Variants in PLEKHG2 observed in about 807,000 individuals in gnomAD.
PLEKHG2 encodes the protein pleckstrin homology domain-containing family G member 2.
A neutral mutation model predicts 104.4 loss-of-function variants in PLEKHG2; 71 were observed. That is an observed-to-expected ratio of 0.68 (90% CI 0.56 to 0.83). PLEKHG2 has a LOEUF of 0.83. Among genes scored for constraint, PLEKHG2 ranks in the 40% least tolerant of loss-of-function variants. The pLI is 0.00. For missense variants in PLEKHG2, 1,730 were observed against 1,809.4 expected (o/e 0.96, Z 0.80); for synonymous variants, 728 against 737.0 (o/e 0.99, Z 0.20).
rs1422235530 is a variant in PLEKHG2 at position 39,422,597 on chromosome 19, C to T, written c.1678-135C>T. On this transcript the variant is annotated intron_variant, in intron 17 of 18. Coordinates refer to ENST00000425673, the MANE Select transcript of PLEKHG2 (RefSeq NM_022835.3). ...AGAGACAGGGTTTCACTATGTTGGCCAGGCTGGTCTCGAACTCGTAACCTC... is the reference window on the plus strand; with the variant it reads ...AGAGACAGGGTTTCACTATGTTGGCTAGGCTGGTCTCGAACTCGTAACCTC... The T allele has an allele frequency of 1.4e-5, 16 of 1,141,400 alleles. No homozygotes were observed. In the African/African-American group the frequency reaches 2.5e-4, roughly 18 times the overall value. The allele number at this position is 1,141,400 out of a possible 1,614,324, so 70.7% of individuals were successfully genotyped here. A position where few individuals can be genotyped will look rare whatever the true frequency, so the allele number is the denominator to read the frequency against.
Position 39,416,184 on chromosome 19 carries a change from A to G in PLEKHG2, c.480-164A>G, listed in dbSNP as rs2078599840. On this transcript the variant is annotated intron_variant, in intron 4 of 18. Transcript: ENST00000425673. This position sits in a 1 kb window ranked among gnomAD's most constrained non-coding sequence, Gnocchi z 4.5. ...CTAAGCAGGTTACCATGCCCCGTGT[A>G]GCCCTCAGAGGACCCTTCCTCCGGA... Among the ~76,000 whole-genome samples, 1 of 152,106 alleles carries G rather than the reference A, an allele frequency of 6.6e-6. No homozygotes were observed. Among genetic ancestry groups the G allele is most frequent in the South Asian group, 2.1e-4 (1 of 4,830 alleles).
rs780828725 is a variant in PLEKHG2, at chr19:39,416,886, G to A, written c.630G>A (p.Pro210=). 11 of 1,611,600 alleles carry A rather than the reference G, an allele frequency of 6.8e-6. No individual in the cohort carries two copies. The highest frequency in any genetic ancestry group is 1.1e-5 in the South Asian group (1 of 90,902). ...TGCTCCGGGAGCTGTCGTTGTCTCC[G>A]CCAGCAGCCCTGTGGCTGCAGGAGC... The part of the protein sequence containing the change: ...LALLRELSLS[P]PAALWLQERQ... Residue 210 remains proline, a synonymous_variant, in exon 7 of 19, where the codon CCG becomes CCA. Coordinates refer to ENST00000425673, the MANE Select transcript of PLEKHG2 (RefSeq NM_022835.3). The surrounding 1 kb of genome is among the most constrained non-coding windows in gnomAD (Gnocchi z 4.5).
rs2078600827 is a variant in PLEKHG2, at chr19:39,416,259, G to A, written c.480-89G>A. ...GGCAGTCAGCAAGCCCCCAGCCCCA[G>A]CAGACCATTGGGGCCTCAGCCTCCT... On this transcript the variant is annotated intron_variant, in intron 4 of 18. Transcript: ENST00000425673. This position sits in a 1 kb window ranked among gnomAD's most constrained non-coding sequence, Gnocchi z 4.5. 2 of 1,320,980 alleles carry A rather than the reference G, an allele frequency of 1.5e-6. No homozygotes were observed. Among genetic ancestry groups the A allele is most frequent in the African/African-American group, 1.5e-5 (1 of 68,916 alleles). 81.8% of individuals were successfully genotyped at this position (1,320,980 alleles called of 1,614,324 possible).
chr19:39,418,857 G>T (rs1233181806), intron 10 of PLEKHG2, 31 bp downstream of exon 10: 2 of 1,596,284 alleles, frequency 1.3e-6, no homozygotes, highest in Non-Finnish European at 1.7e-6. Context: ...GGCTGGCAGG[G>T]ATCCCCCAGC....
Position 39,422,952 on chromosome 19 carries a change from C to G in PLEKHG2, c.1898C>G (p.Thr633Ser), listed in dbSNP as rs1483630315. ...GAAATGCCCAGCATTCCCTGCCTTA[C>G]CAAAATTCCTGACGTGCCCAACCTT... ...AAEMPSIPCLTKIPDVPNLPE... is the reference protein window; with the variant it reads ...AAEMPSIPCLSKIPDVPNLPE... The change falls in exon 18 of 19, where the codon ACC (threonine) becomes AGC (serine). Residue 633 changes from threonine (T) to serine (S), a missense_variant. Coordinates refer to ENST00000425673, the MANE Select transcript of PLEKHG2 (RefSeq NM_022835.3). The G allele has an allele frequency of 6.2e-7, 1 of 1,614,076 alleles. No individual in the cohort carries two copies. Among genetic ancestry groups the G allele is most frequent in the Admixed American group, 1.7e-5 (1 of 60,012 alleles).
chr19:39,427,918 C>T lies in PLEKHG2; in HGVS notation c.*2624C>T, dbSNP rs1339391451. 2 of 152,230 alleles carry T rather than the reference C, an allele frequency of 1.3e-5. No individual in the cohort carries two copies. The highest frequency in any genetic ancestry group is 2.9e-5 in the Non-Finnish European group (2 of 68,090). 9.4% of individuals were successfully genotyped at this position (152,230 alleles called of 1,614,324 possible). On this transcript the variant is annotated 3_prime_UTR_variant, in exon 19 of 19. Transcript: ENST00000425673. ...TAAGTCTACCATTAAATTTGCCTGT[C>T]CTGGCCAGGTGCGGTGGCTCACGCC...
At chr19:39,422,329 G>T (rs760073821) in intron 17 of PLEKHG2, 41 bp downstream of exon 17, 2 of 1,588,308 alleles carry the variant, frequency 1.3e-6, no homozygotes, top group South Asian at 2.3e-5. Context: ...GGGCCTCTGG[G>T]TGTGGGCACA....
chr19:39,420,057 A>G, intron 11 of PLEKHG2, among the ~76,000 whole-genome samples: 1 of 151,644 alleles, frequency 6.6e-6, no homozygotes. Context: ...CCGTCTCAAA[A>G]AAATAAAAAT....
At chr19:39,421,509 A>G (rs2078699094) in intron 16 of PLEKHG2, among the ~76,000 whole-genome samples, 1 of 152,016 alleles carries the variant, frequency 6.6e-6, no homozygotes, top group South Asian at 2.1e-4. Flanking sequence ...AACATGGCAA[A>G]ACCCCATCTC....
intron 16 of PLEKHG2, 152 bp downstream of exon 16, chr19:39,421,451 C>A: frequency 1.1e-6 from 1 of 940,092 alleles, no homozygotes; most frequent in Non-Finnish European, 1.7e-6. Flanking sequence ...TTTGGGAGGT[C>A]AAGGCAGGAG....
rs1032815268 is a variant in PLEKHG2, at chr19:39,421,400, T to C, written c.1503+101T>C. On this transcript the variant is annotated intron_variant, in intron 16 of 18. Coordinates refer to ENST00000425673, the MANE Select transcript of PLEKHG2 (RefSeq NM_022835.3). Reference sequence around the variant, plus strand: ...ATCCTGGGTCTGAATGAGAAGGGGATTGGGGCCAGACAGAGTAACTCATGC... The same window carrying C: ...ATCCTGGGTCTGAATGAGAAGGGGACTGGGGCCAGACAGAGTAACTCATGC... 5.4e-6 allele frequency: 7 copies of C among 1,304,284 alleles called. No homozygotes were observed. In the South Asian group the frequency reaches 6.2e-5, roughly 11 times the overall value. The allele number at this position is 1,304,284 out of a possible 1,614,324, so 80.8% of individuals were successfully genotyped here. A position where few individuals can be genotyped will look rare whatever the true frequency, so the allele number is the denominator to read the frequency against.
rs750150661 is a variant in PLEKHG2 at position 39,415,260 on chromosome 19, G to A, written c.378G>A (p.Glu126=). The A allele has an allele frequency of 6.3e-6, 10 of 1,595,190 alleles. No individual in the cohort carries two copies. The South Asian group carries it at 1.0e-4, about 16-fold the overall frequency. ...TCAGGGACCTCCGCAGCATCGTGGAGGTAAGGCGGGCAGACACCAGAGGGC... is the reference window on the plus strand; with the variant it reads ...TCAGGGACCTCCGCAGCATCGTGGAAGTAAGGCGGGCAGACACCAGAGGGC... ...AYVRDLRSIV[E]DYLGPLLDGG... is the part of the protein sequence containing the mutation. The change falls in exon 3 of 19, where the codon GAG becomes GAA. Residue 126 remains glutamate (E), a splice_region_variant and synonymous_variant. Coordinates refer to ENST00000425673, the MANE Select transcript of PLEKHG2 (RefSeq NM_022835.3). The surrounding 1 kb of genome is among the most constrained non-coding windows in gnomAD (Gnocchi z 4.6).
chr19:39,421,141 T>C (rs372116668), intron 15 of PLEKHG2, 28 bp downstream of exon 15: 3 of 1,610,510 alleles, frequency 1.9e-6, no homozygotes, highest in African/African-American at 1.3e-5. Context: ...TTCAGCCTGG[T>C]CCATCCCTGT....
At position 39,415,213 on chromosome 19, in the gene PLEKHG2, G is replaced by A. The variant is rs751959531; in HGVS notation, c.331G>A (p.Val111Met). 8.2e-6 allele frequency: 13 copies of A among 1,584,070 alleles called. No individual in the cohort carries two copies. Among genetic ancestry groups the A allele is most frequent in the South Asian group, 4.6e-5 (4 of 87,598 alleles). Residue 111 changes from valine to methionine, a missense_variant, in exon 3 of 19, where the codon GTG becomes ATG. By Grantham distance (21) the Val-to-Met change is conservative. Coordinates refer to ENST00000425673, the MANE Select transcript of PLEKHG2 (RefSeq NM_022835.3). This position sits in a 1 kb window ranked among gnomAD's most constrained non-coding sequence, Gnocchi z 4.6. ...SRLERVAREI[V>M]ETERAYVRDL... ...GCTGGAGCGTGTGGCCCGGGAGATC[G>A]TGGAGACAGAACGGGCCTATGTCAG...
chr19:39,423,139 C>G lies in PLEKHG2; in HGVS notation c.2085C>G (p.Leu695=). Residue 695 remains leucine, a synonymous_variant, in exon 18 of 19, where the codon CTC becomes CTG. Transcript: ENST00000425673. ...CCACCCTCTCCTGTGACTCCTGGCT[C>G]CAAGGGCCTCTGCAGGAACCAGCTG... The part of the protein sequence containing the change: ...STPTLSCDSW[L]QGPLQEPAEA... The G allele has an allele frequency of 2.5e-6, 4 of 1,613,976 alleles. No homozygotes were observed. In the South Asian group the frequency reaches 4.4e-5, roughly 18 times the overall value.
At position 39,416,324 on chromosome 19, in the gene PLEKHG2, C is replaced by T; in HGVS notation, c.480-24C>T. 6.2e-7 allele frequency: 1 copy of T among 1,611,762 alleles called. No homozygotes were observed. The highest frequency in any genetic ancestry group is 8.5e-7 in the Non-Finnish European group (1 of 1,179,378). On this transcript the variant is annotated intron_variant, in intron 4 of 18. Coordinates refer to ENST00000425673, the MANE Select transcript of PLEKHG2 (RefSeq NM_022835.3). The surrounding 1 kb of genome is among the most constrained non-coding windows in gnomAD (Gnocchi z 4.5). ...GAGGGGTCGTGAAGGCAGGCGGTTC[C>T]TCACCCTCCCCTCTCCCCTGTAGCG... is the stretch of plus-strand genomic sequence containing the variant.
Position 39,424,322 on chromosome 19 carries a change from T to A in PLEKHG2, c.3189T>A (p.Asp1063Glu). The change falls in exon 19 of 19, where the codon GAT becomes GAA. Residue 1063 changes from aspartate (D) to glutamate (E), a missense_variant. Transcript: ENST00000425673. ...TGACAAAGCAAGGAGGTTCCAGGGA[T>A]GTTCAGGGCCCAGACCCTGTCTGCA... ...IPLTKQGGSR[D>E]VQGPDPVCSQ... 6.2e-7 allele frequency: 1 copy of A among 1,614,066 alleles called. No homozygotes were observed. The highest frequency in any genetic ancestry group is 8.5e-7 in the Non-Finnish European group (1 of 1,179,994).
chr19:39,422,782 C>T lies in PLEKHG2; in HGVS notation c.1728C>T (p.Gly576=), dbSNP rs367549602. 4.3e-5 allele frequency: 65 copies of T among 1,526,066 alleles called. 1 individual carries two copies. Among genetic ancestry groups the T allele is most frequent in the East Asian group, 2.5e-4 (11 of 44,256 alleles). 94.5% of individuals were successfully genotyped at this position (1,526,066 alleles called of 1,614,324 possible). ...PKFPGDSQVP[G]DSETLTFQAL... is the part of the protein sequence containing the mutation. ...TCCCCGGAGACTCCCAGGTGCCTGG[C>T]GACAGCGAAACCCTCACATTCCAAG... The change falls in exon 18 of 19, where the codon GGC becomes GGT. Residue 576 remains glycine (G), a synonymous_variant. Coordinates refer to ENST00000425673, the MANE Select transcript of PLEKHG2 (RefSeq NM_022835.3).
At chr19:39,414,307 C>G in intron 2 of PLEKHG2, 112 bp downstream of exon 2, 1 of 1,147,442 alleles carries the variant, frequency 8.7e-7, no homozygotes, top group Non-Finnish European at 1.2e-6. Context: ...AGCTCCGAGT[C>G]TGGTGGGGAA....
Sources: gnomAD v4.1 joint callset for allele counts (sites outside exome capture counted in the v4.1 genomes callset) on GRCh38, gnomAD v4.1.1 for gene constraint, Gnocchi (gnomAD v3.1) non-coding constraint, MANE v1.5 for transcripts, NCBI Gene and HGNC (gene_info 2026-07-23, HGNC 2026-07-21) for gene names.